SNRPN: variants seen among roughly 807,000 people sequenced by gnomAD.
SNRPN encodes the protein small nuclear ribonucleoprotein-associated protein N.
A neutral mutation model predicts 25.2 loss-of-function variants in SNRPN; 7 were observed. The observed-to-expected ratio is 0.28, with a 90% confidence interval of 0.16 to 0.52. The LOEUF (loss-of-function observed/expected upper bound fraction) is 0.52, where lower values mean the gene tolerates loss of function less well. SNRPN is among the 20% of genes least tolerant of loss of function. SNRPN has a pLI of 0.96. For missense variants in SNRPN, 196 were observed against 322.5 expected, an observed-to-expected ratio of 0.61 and a Z score of 3.00; for synonymous variants, 124 against 110.6, an observed-to-expected ratio of 1.12 and a Z score of -0.76.
intron 4 of SNRPN, chr15:24,975,016 G>A (rs2076906274): frequency 4.3e-6 from 3 of 702,100 alleles, no homozygotes; most frequent in Non-Finnish European, 7.8e-6. Flanking sequence ...GGCATTAACA[G>A]TACAGAGAAA....
At chr15:24,905,424 G>A (rs1001265952) in intron 2 of SNRPN, among the ~76,000 whole-genome samples, 20 of 151,012 alleles carry the variant, frequency 1.3e-4, no homozygotes, top group African/African-American at 4.6e-4. Context: ...CAGGAGAGTC[G>A]CTTGAACCCG....
At chr15:24,824,150 G>T (rs1278482782) in intron 1 of SNRPN, among the ~76,000 whole-genome samples, 3 of 152,040 alleles carry the variant, frequency 2.0e-5, no homozygotes, top group Non-Finnish European at 4.4e-5. Flanking sequence ...AAAGGAGAGG[G>T]TCAGAGACTT....
chr15:24,955,769 C>T (rs1187545155), intron 1 of SNRPN, among the ~76,000 whole-genome samples: 1 of 149,588 alleles, frequency 6.7e-6, no homozygotes, highest in Non-Finnish European at 1.5e-5. Flanking sequence ...TGGGTATTGG[C>T]GGCGGTGGGC....
intron 1 of SNRPN, among the ~76,000 whole-genome samples, chr15:24,883,660 T>C (rs528842476): frequency 5.6e-4 from 86 of 152,258 alleles, no homozygotes; most frequent in African/African-American, 2.0e-3. Flanking sequence ...GGATATATGT[T>C]TTATTATATT....
At chr15:24,834,751 C>CTGTCTCTCTCTCTCTCTATA in intron 2 of SNRPN, among the ~76,000 whole-genome samples, 4 of 60,956 alleles carry the variant, frequency 6.6e-5, no homozygotes, top group Non-Finnish European at 1.3e-4. Flanking sequence ...CTCTCTCTCT[C>CTGTCTCTCTCTCTCTCTATA]TATATATATA....
Position 24,962,180 on chromosome 15 carries a change from CAGA to C in SNRPN, c.-321_-319del. On this transcript the variant is annotated 5_prime_UTR_variant, in exon 2 of 10. Transcript: ENST00000390687. ...CAGAGGTGGAAGTCCAAGTCAAACG[CAGA>C]AGGACTGCCTCACTGAGCAACCAAG... 1 of 1,614,070 alleles carries C rather than the reference CAGA, an allele frequency of 6.2e-7. No homozygotes were observed. Among genetic ancestry groups the C allele is most frequent in the Non-Finnish European group, 8.5e-7 (1 of 1,180,010 alleles).
chr15:24,879,954 A>T (rs1033273700), intron 1 of SNRPN, among the ~76,000 whole-genome samples: 15 of 152,118 alleles, frequency 9.9e-5, no homozygotes, highest in African/African-American at 3.6e-4. Context: ...GAGTGGGTGA[A>T]CCTGTTGAGT....
chr15:24,899,342 A>T (rs1214695896), intron 2 of SNRPN, among the ~76,000 whole-genome samples: 1 of 152,236 alleles, frequency 6.6e-6, no homozygotes. Context: ...TGCCTTTTAG[A>T]TCAAAATTAA....
At chr15:24,934,464 G>A (rs1435864686) in intron 3 of SNRPN, among the ~76,000 whole-genome samples, 2 of 152,132 alleles carry the variant, frequency 1.3e-5, no homozygotes, top group East Asian at 1.9e-4. Flanking sequence ...CACTACAAAG[G>A]TTGAGTAGTT....
chr15:24,930,371 TA>T (rs1443898575), intron 3 of SNRPN, among the ~76,000 whole-genome samples: 1 of 151,738 alleles, frequency 6.6e-6, no homozygotes, highest in Non-Finnish European at 1.5e-5. Flanking sequence ...TATGCATAGA[TA>T]TTTTTTATTT....
At chr15:24,905,944 G>A (rs1268416487) in intron 2 of SNRPN, among the ~76,000 whole-genome samples, 2 of 152,026 alleles carry the variant, frequency 1.3e-5, no homozygotes, top group African/African-American at 4.8e-5. Context: ...GAAACTGTAG[G>A]AACGAAAAAG....
intron 1 of SNRPN, among the ~76,000 whole-genome samples, chr15:24,958,321 G>C (rs957151871): frequency 6.6e-6 from 1 of 150,920 alleles, no homozygotes; most frequent in African/African-American, 2.4e-5. Context: ...TGTGAGTACT[G>C]CCCTCAATTA....
chr15:24,830,689 G>A (rs2050442911), intron 2 of SNRPN, among the ~76,000 whole-genome samples: 1 of 151,978 alleles, frequency 6.6e-6, no homozygotes, highest in South Asian at 2.1e-4. Context: ...TTTGACCCAT[G>A]TATTATTTGG....
chr15:24,964,711 C>G (rs910794233), intron 2 of SNRPN, among the ~76,000 whole-genome samples: 3 of 152,078 alleles, frequency 2.0e-5, no homozygotes, highest in African/African-American at 7.2e-5. Flanking sequence ...GTTTAGGACT[C>G]TTAGGTTTAG....
intron 3 of SNRPN, among the ~76,000 whole-genome samples, chr15:24,925,873 C>T (rs1189898824): frequency 1.3e-5 from 2 of 152,108 alleles, no homozygotes; most frequent in African/African-American, 2.4e-5. Flanking sequence ...TCCCGAGTAG[C>T]GGTAGCGCCC....
At chr15:24,938,278 C>T (rs747222647) in intron 3 of SNRPN, among the ~76,000 whole-genome samples, 1 of 152,054 alleles carries the variant, frequency 6.6e-6, no homozygotes, top group African/African-American at 2.4e-5. Context: ...AGGCTCAAAC[C>T]AACACACCAG....
intron 3 of SNRPN, chr15:24,920,251 T>C (rs190977945): frequency 2.6e-5 from 4 of 152,148 alleles, no homozygotes; most frequent in African/African-American, 9.7e-5. Flanking sequence ...ATCAGAAACG[T>C]GTTGTGTTGC....
intron 1 of SNRPN, among the ~76,000 whole-genome samples, chr15:24,961,054 C>G (rs1449980112): frequency 6.6e-6 from 1 of 151,926 alleles, no homozygotes; most frequent in Non-Finnish European, 1.5e-5. Flanking sequence ...CTTTCACTTT[C>G]TTTAGTGTTT....
chr15:24,960,538 A>G (rs908451162), intron 1 of SNRPN, among the ~76,000 whole-genome samples: 30 of 152,058 alleles, frequency 2.0e-4, no homozygotes, highest in Admixed American at 7.2e-4. Context: ...ATGTTGCCCA[A>G]GCTGGTCTCC....
Sources: allele counts gnomAD v4.1 joint callset (sites outside exome capture counted in the v4.1 genomes callset), GRCh38; gene constraint gnomAD v4.1.1; transcripts MANE v1.5; gene names NCBI Gene and HGNC (gene_info 2026-07-23, HGNC 2026-07-21).